Variants in SORCS2 observed in about 807,000 individuals in gnomAD.
SORCS2 encodes sortilin related VPS10 domain containing receptor 2.
Under a neutral mutation model 141.6 loss-of-function variants are expected in SORCS2, and 100 were observed. The observed-to-expected ratio is 0.71, with a 90% CI of 0.60 to 0.83. SORCS2 has a LOEUF of 0.83. Ranked by LOEUF, SORCS2 falls within the 40% of genes least tolerant of loss-of-function variation. The probability of loss-of-function intolerance (pLI) is 0.00; values close to 1 mark genes in which losing one functional copy is unlikely to be tolerated. For missense variants in SORCS2, 1,646 were observed against 1,560.2 expected (o/e 1.05, Z -0.93); for synonymous variants, 789 against 676.9 (o/e 1.17, Z -2.57).
At chr4:7,491,824 G>A (rs188794737) in intron 2 of SORCS2, among the ~76,000 whole-genome samples, 440 of 152,324 alleles carry the variant, frequency 2.9e-3, no homozygotes, top group Non-Finnish European at 5.0e-3. Context: ...CACCCATCAG[G>A]TCAGGAGGGG....
chr4:7,700,585 T>C (rs1315269653), intron 12 of SORCS2, among the ~76,000 whole-genome samples: 1 of 152,168 alleles, frequency 6.6e-6, no homozygotes, highest in Non-Finnish European at 1.5e-5. Context: ...GGCCATCAGC[T>C]CCCTTGTCCA....
rs1732670134 is a variant in SORCS2 at position 7,511,776 on chromosome 4, C to T, written c.549-19754C>T. ...CCCGTCTGGAATTCCAGCCCGTCAG[C>T]TGTCTGCTGCCCACCCAGACGCTCA... is the stretch of plus-strand genomic sequence containing the variant. On this transcript the variant is annotated intron_variant, in intron 2 of 26. Coordinates refer to ENST00000507866, the MANE Select transcript of SORCS2 (RefSeq NM_020777.3). Among the ~76,000 whole-genome samples, 5 of 152,306 alleles carry T rather than the reference C, an allele frequency of 3.3e-5. No homozygotes were observed. The South Asian group carries it at 1.0e-3, about 32-fold the overall frequency.
Position 7,391,359 on chromosome 4 carries a change from C to T in SORCS2, c.481-4929C>T, listed in dbSNP as rs578242727. On this transcript the variant is annotated intron_variant, in intron 1 of 26. Transcript: ENST00000507866. Reference sequence around the variant, plus strand: ...TTGTGGGTCCGAGGCTGGTTAGCCTCGGCTCCCTCCCACTGCCGGAGCTTT... The same window carrying T: ...TTGTGGGTCCGAGGCTGGTTAGCCTTGGCTCCCTCCCACTGCCGGAGCTTT... Among the ~76,000 whole-genome samples the T allele has an allele frequency of 2.5e-3, 374 of 152,288 alleles. 1 individual carries two copies. The highest frequency in any genetic ancestry group is 7.4e-3 in the African/African-American group (306 of 41,552).
At chr4:7,342,123 A>G (rs1054912688) in intron 1 of SORCS2, among the ~76,000 whole-genome samples, 2 of 152,154 alleles carry the variant, frequency 1.3e-5, no homozygotes, top group African/African-American at 4.8e-5. Context: ...TGTGTTGTCC[A>G]TCTCGGGTAT....
intron 1 of SORCS2, among the ~76,000 whole-genome samples, chr4:7,316,744 G>T (rs566404906): frequency 6.6e-6 from 1 of 152,164 alleles, no homozygotes; most frequent in Non-Finnish European, 1.5e-5. Flanking sequence ...CTGAGTTCTT[G>T]TACAGTTCGC....
intron 1 of SORCS2, among the ~76,000 whole-genome samples, chr4:7,256,230 C>T (rs1315853342): frequency 3.9e-5 from 6 of 152,098 alleles, no homozygotes; most frequent in South Asian, 2.1e-4. Flanking sequence ...AGCACATGCC[C>T]GCTCAGAGGG....
intron 1 of SORCS2, among the ~76,000 whole-genome samples, chr4:7,241,001 C>G (rs1712657769): frequency 6.6e-6 from 1 of 152,220 alleles, no homozygotes; most frequent in South Asian, 2.1e-4. Flanking sequence ...ATGGCACGAT[C>G]TCGGCTCACT....
At chr4:7,333,865 G>C (rs1393500254) in intron 1 of SORCS2, among the ~76,000 whole-genome samples, 2 of 152,210 alleles carry the variant, frequency 1.3e-5, no homozygotes, top group Non-Finnish European at 2.9e-5. Context: ...CATTTCTCCA[G>C]CTGGAACTCA....
chr4:7,455,675 T>G (rs898205739), intron 2 of SORCS2, among the ~76,000 whole-genome samples: 1 of 150,654 alleles, frequency 6.6e-6, no homozygotes, highest in African/African-American at 2.5e-5. Flanking sequence ...TCAGGCTCCG[T>G]GTTGGGGTCA....
At chr4:7,691,063 C>T (rs900059357) in intron 11 of SORCS2, among the ~76,000 whole-genome samples, 3 of 152,204 alleles carry the variant, frequency 2.0e-5, no homozygotes, top group African/African-American at 7.2e-5. Context: ...GCATCTCCTG[C>T]AGACACTGAA....
intron 1 of SORCS2, among the ~76,000 whole-genome samples, chr4:7,393,885 C>A (rs924410628): frequency 6.6e-6 from 1 of 152,140 alleles, no homozygotes; most frequent in Non-Finnish European, 1.5e-5. Flanking sequence ...CAGAGCCAAG[C>A]GTGGAACCCG....
At chr4:7,660,398 C>T (rs1460721198) in intron 5 of SORCS2, among the ~76,000 whole-genome samples, 1 of 152,192 alleles carries the variant, frequency 6.6e-6, no homozygotes, top group Non-Finnish European at 1.5e-5. Flanking sequence ...GGGCCTTGGA[C>T]ACCGTAGGTT....
intron 3 of SORCS2, among the ~76,000 whole-genome samples, chr4:7,550,511 G>T (rs1713619720): frequency 1.3e-5 from 2 of 152,232 alleles, no homozygotes; most frequent in South Asian, 4.1e-4. Context: ...GCAGAAAGGG[G>T]TTTTCTTGGA....
At chr4:7,279,314 C>T (rs556259068) in intron 1 of SORCS2, among the ~76,000 whole-genome samples, 16 of 152,294 alleles carry the variant, frequency 1.1e-4, no homozygotes, top group Non-Finnish European at 1.3e-4. Context: ...ATACTTGCAG[C>T]GTTGCTAAAG....
intron 1 of SORCS2, among the ~76,000 whole-genome samples, chr4:7,238,970 C>T (rs1212029877): frequency 6.6e-6 from 1 of 152,232 alleles, no homozygotes; most frequent in Non-Finnish European, 1.5e-5. Context: ...TGCATCTGCC[C>T]CAGCAGCTCC....
intron 2 of SORCS2, among the ~76,000 whole-genome samples, chr4:7,512,813 G>A (rs1577679969): frequency 6.6e-6 from 1 of 152,060 alleles, no homozygotes; most frequent in East Asian, 1.9e-4. Flanking sequence ...TGGACACATG[G>A]GCCCCTTCAT....
intron 1 of SORCS2, among the ~76,000 whole-genome samples, chr4:7,285,039 T>A (rs35709544): frequency 0.29 from 42,107 of 145,612 alleles, 6,487 homozygotes; most frequent in Middle Eastern, 0.43. Flanking sequence ...TATATATATT[T>A]TTTTTTTTTT....
rs558207506 is a variant in SORCS2, at chr4:7,434,999, C to T, written c.548+38644C>T. 273 of 1,243,240 alleles carry T rather than the reference C, an allele frequency of 2.2e-4. 1 individual carries two copies. In the African/African-American group the frequency reaches 3.7e-3, roughly 17 times the overall value. 77.0% of individuals were successfully genotyped at this position (1,243,240 alleles called of 1,614,324 possible). A position where few individuals can be genotyped will look rare whatever the true frequency, so the allele number is the denominator to read the frequency against. ...CGGCCCCACCTCCTGGCCACTCCCACAGCCTGACTCACACCCTGTGCCCGG... is the reference window on the plus strand; with the variant it reads ...CGGCCCCACCTCCTGGCCACTCCCATAGCCTGACTCACACCCTGTGCCCGG... On this transcript the variant is annotated intron_variant, in intron 2 of 26. Transcript: ENST00000507866.
chr4:7,376,353 G>T (rs759775046), intron 1 of SORCS2, among the ~76,000 whole-genome samples: 1 of 152,124 alleles, frequency 6.6e-6, no homozygotes, highest in South Asian at 2.1e-4. Context: ...AAGGCTGGTG[G>T]ATCATTTGAG....
Sources: gnomAD v4.1 joint callset for allele counts (sites outside exome capture counted in the v4.1 genomes callset) on GRCh38, gnomAD v4.1.1 for gene constraint, MANE v1.5 for transcripts, NCBI Gene and HGNC (gene_info 2026-07-23, HGNC 2026-07-21) for gene names.